GRIP2: variants seen among roughly 807,000 people sequenced by gnomAD.
GRIP2 encodes glutamate receptor interacting protein 2.
GRIP2 carries 58 observed loss-of-function variants against 108.3 expected under a neutral mutation model. The observed-to-expected ratio is 0.54, with a 90% confidence interval of 0.43 to 0.67. The LOEUF (loss-of-function observed/expected upper bound fraction) is 0.67. Ranked by LOEUF, GRIP2 falls within the 30% of genes least tolerant of loss-of-function variation. The probability of loss-of-function intolerance (pLI) is 0.00; values close to 1 mark genes in which losing one functional copy is unlikely to be tolerated. For synonymous variants in GRIP2, 586 were observed against 598.2 expected (o/e 0.98, Z 0.30); for missense variants, 1,278 against 1,430.6 (o/e 0.89, Z 1.72).
At chr3:14,599,683 CTCTGTGTG>C in the GRIP2 span, among the ~76,000 whole-genome samples, 3 of 105,018 alleles carry the variant, frequency 2.9e-5, no homozygotes, top group East Asian at 1.4e-3. Context: ...CTCTCTCTCT[CTCTGTGTG>C]TGTGTGTGTG....
Position 14,505,308 on chromosome 3 carries a change from G to A in GRIP2, c.2573+307C>T, listed in dbSNP as rs1693887767. Among the ~76,000 whole-genome samples, 1 of 152,110 alleles carries A rather than the reference G, an allele frequency of 6.6e-6. No homozygotes were observed. Among genetic ancestry groups the A allele is most frequent in the African/African-American group, 2.4e-5 (1 of 41,420 alleles). The stretch of plus-strand genomic sequence containing the variant: ...CAGGCCATCTGGGGTAAGTCAGGTG[G>A]GCCTGGGTTCAAGTTCTGAGTCTGC... On this transcript the variant is annotated intron_variant, in intron 20 of 23. Transcript: ENST00000621039. This position sits in a 1 kb window ranked among gnomAD's most constrained non-coding sequence, Gnocchi z 4.2.
chr3:14,601,481 C>T, the GRIP2 span, among the ~76,000 whole-genome samples: 26 of 152,290 alleles, frequency 1.7e-4, no homozygotes, highest in African/African-American at 5.8e-4. Context: ...GGAAGGAAAC[C>T]TAGGCACCCT....
At chr3:14,573,130 G>A in the GRIP2 span, 5 of 1,432,614 alleles carry the variant, frequency 3.5e-6, no homozygotes, top group Non-Finnish European at 3.9e-6. Flanking sequence ...CAGGGCAGCA[G>A]CCCAAAGGTG....
At chr3:14,532,224 G>T (rs1694727192) in intron 1 of GRIP2, among the ~76,000 whole-genome samples, 1 of 152,214 alleles carries the variant, frequency 6.6e-6, no homozygotes, top group Non-Finnish European at 1.5e-5. Context: ...ACGGGAGAAG[G>T]TCTGGTCCCC....
chr3:14,581,903 CCT>C, the GRIP2 span, among the ~76,000 whole-genome samples: 98 of 152,240 alleles, frequency 6.4e-4, no homozygotes, highest in Admixed American at 2.2e-3. Context: ...TTTGGCCTGG[CCT>C]CTGTTTTGGA....
chr3:14,592,468 C>A, the GRIP2 span, among the ~76,000 whole-genome samples: 9 of 152,188 alleles, frequency 5.9e-5, no homozygotes, highest in Admixed American at 4.6e-4. Flanking sequence ...TGGGAAGCCT[C>A]TTTAAACAGT....
intron 1 of GRIP2, among the ~76,000 whole-genome samples, chr3:14,538,888 G>C (rs1694896605): frequency 6.6e-6 from 1 of 152,240 alleles, no homozygotes; most frequent in African/African-American, 2.4e-5. Flanking sequence ...GAGGTCACAG[G>C]CCCATGAGGA....
At chr3:14,598,487 G>C in the GRIP2 span, among the ~76,000 whole-genome samples, 1 of 151,994 alleles carries the variant, frequency 6.6e-6, no homozygotes, top group East Asian at 1.9e-4. Flanking sequence ...GGTTAACTAC[G>C]TTGACAGCCT....
the GRIP2 span, among the ~76,000 whole-genome samples, chr3:14,568,351 T>C: frequency 2.6e-5 from 4 of 152,108 alleles, no homozygotes; most frequent in Non-Finnish European, 4.4e-5. Flanking sequence ...GTCGTGGACA[T>C]GTTTTAAAGA....
In GRIP2 at chr3:14,509,972, C is replaced by A; in HGVS notation, c.1934-8G>T. 6.8e-7 allele frequency: 1 copy of A among 1,480,178 alleles called. No individual in the cohort carries two copies. Among genetic ancestry groups the A allele is most frequent in the South Asian group, 1.4e-5 (1 of 69,290 alleles). The allele number at this position is 1,480,178 out of a possible 1,614,324, so 91.7% of individuals were successfully genotyped here. On this transcript the variant is annotated splice_polypyrimidine_tract_variant and splice_region_variant and intron_variant, in intron 16 of 23. Transcript: ENST00000621039. ...CTGTGGTCTCCAGCTCATCTGCAAG[C>A]ACGGGGACCCATGAGGAGGAGGCCC...
At chr3:14,568,559 C>A in the GRIP2 span, among the ~76,000 whole-genome samples, 1 of 152,180 alleles carries the variant, frequency 6.6e-6, no homozygotes, top group South Asian at 2.1e-4. Context: ...TCATGAGCGT[C>A]TCCTTGGGAC....
the GRIP2 span, among the ~76,000 whole-genome samples, chr3:14,571,393 G>A: frequency 3.9e-5 from 6 of 152,086 alleles, no homozygotes; most frequent in East Asian, 5.8e-4. Flanking sequence ...TATGAAGGTC[G>A]CAGTGGAAAC....
At position 14,523,047 on chromosome 3, in the gene GRIP2, G is replaced by A; in HGVS notation, c.519C>T (p.Ser173=). ...GCACGTAGGTCAGGACAAGCGGGCG[G>A]GACTTGTGCCCATCTTCATGGGCAC... ...RGGAHEDGHK[S]RPLVLTYVRP... is the part of the protein sequence containing the mutation. The change falls in exon 6 of 24, where the codon TCC becomes TCT. Residue 173 remains serine (S), a synonymous_variant. Coordinates refer to ENST00000621039, the MANE Select transcript of GRIP2 (RefSeq NM_001080423.4). 1 of 1,611,978 alleles carries A rather than the reference G, an allele frequency of 6.2e-7. No individual in the cohort carries two copies. The highest frequency in any genetic ancestry group is 8.5e-7 in the Non-Finnish European group (1 of 1,178,874).
intron 1 of GRIP2, chr3:14,530,952 G>C (rs1694694731): frequency 6.6e-6 from 1 of 152,096 alleles, no homozygotes; most frequent in Non-Finnish European, 1.5e-5. Context: ...CAAATACTAG[G>C]TCTTATTCAT....
Position 14,506,814 on chromosome 3 carries a change from G to C in GRIP2, c.2385C>G (p.Gly795=). Residue 795 remains glycine, a synonymous_variant, in exon 19 of 24, where the codon GGC becomes GGG. Transcript: ENST00000621039. ...ESWDSSATEG[G]FGGPGSYTPQ... is the part of the protein sequence containing the mutation. The stretch of plus-strand genomic sequence containing the variant: ...CCAAGGTATTACCTGGGCCCCCAAA[G>C]CCACCCTCGGTGGCCGAGCTGTCCC... 1 of 1,600,188 alleles carries C rather than the reference G, an allele frequency of 6.2e-7. No homozygotes were observed. Among genetic ancestry groups the C allele is most frequent in the Non-Finnish European group, 8.5e-7 (1 of 1,173,534 alleles).
chr3:14,506,780 C>T, intron 19 of GRIP2, 21 bp downstream of exon 19: 9 of 1,562,360 alleles, frequency 5.8e-6, no homozygotes, highest in Non-Finnish European at 7.8e-6. Flanking sequence ...TGCCACTTGT[C>T]CAAGGGCCCC....
Position 14,512,984 on chromosome 3 carries a change from T to C in GRIP2, c.1640-127A>G. On this transcript the variant is annotated intron_variant, in intron 13 of 23. Coordinates refer to ENST00000621039, the MANE Select transcript of GRIP2 (RefSeq NM_001080423.4). The surrounding 1 kb of genome is among the most constrained non-coding windows in gnomAD (Gnocchi z 5.1). ...AGTCACAGTTCTAATCTCATCCCCC[T>C]GCTTCCTCTCAACAGAGGAGGAAAC... is the stretch of plus-strand genomic sequence containing the variant. 1.3e-6 allele frequency: 1 copy of C among 772,340 alleles called. No individual in the cohort carries two copies. Among genetic ancestry groups the C allele is most frequent in the Non-Finnish European group, 2.2e-6 (1 of 452,118 alleles). The allele number at this position is 772,340 out of a possible 1,614,324, so 47.8% of individuals were successfully genotyped here.
chr3:14,494,726 C>T, intron 23 of GRIP2, 117 bp downstream of exon 23: 2 of 1,297,914 alleles, frequency 1.5e-6, no homozygotes, highest in Non-Finnish European at 2.0e-6. Context: ...TTTGGCTAAC[C>T]TGACTCAGAC....
chr3:14,541,729 C>T (rs1694974922), upstream of GRIP2: 2 of 477,936 alleles, frequency 4.2e-6, no homozygotes, highest in South Asian at 3.6e-5. Flanking sequence ...GGTCCAGGTG[C>T]CAGGCAAGTT....
Sources: gnomAD v4.1 joint callset for allele counts (sites outside exome capture counted in the v4.1 genomes callset) on GRCh38, gnomAD v4.1.1 for gene constraint, Gnocchi (gnomAD v3.1) non-coding constraint, MANE v1.5 for transcripts, NCBI Gene and HGNC (gene_info 2026-07-23, HGNC 2026-07-21) for gene names.